Variants in CNTN5 observed in about 807,000 individuals in gnomAD.
CNTN5 encodes the protein contactin 5.
Under a neutral mutation model 129.1 loss-of-function variants are expected in CNTN5, and 77 were observed. The observed-to-expected ratio is 0.60, with a 90% CI of 0.50 to 0.72. The LOEUF is 0.72. CNTN5 is among the 30% of genes least tolerant of loss of function. CNTN5 has a pLI of 0.00. For synonymous variants in CNTN5, 509 were observed against 465.6 expected (o/e 1.09, Z -1.20); for missense variants, 1,478 against 1,328.8 (o/e 1.11, Z -1.75).
At chr11:99,581,940 G>T (rs1351965810) in intron 3 of CNTN5, among the ~76,000 whole-genome samples, 1 of 151,960 alleles carries the variant, frequency 6.6e-6, no homozygotes, top group Non-Finnish European at 1.5e-5. Flanking sequence ...TTACAATTTG[G>T]CATGTTTTTG....
At chr11:99,787,268 GA>G (rs1392924269) in intron 3 of CNTN5, among the ~76,000 whole-genome samples, 1 of 151,436 alleles carries the variant, frequency 6.6e-6, no homozygotes, top group Non-Finnish European at 1.5e-5. Flanking sequence ...AAAGAGGAGA[GA>G]ATGTGTTATA....
chr11:99,328,884 A>AAG (rs1555112869), intron 2 of CNTN5, among the ~76,000 whole-genome samples: 100 of 143,936 alleles, frequency 6.9e-4, no homozygotes, highest in African/African-American at 2.6e-3. Flanking sequence ...AAAAAAAAAA[A>AAG]AAAAGAAAAA....
At chr11:99,615,517 CAGCTT>C (rs1405370151) in intron 3 of CNTN5, among the ~76,000 whole-genome samples, 2 of 152,168 alleles carry the variant, frequency 1.3e-5, no homozygotes, top group Admixed American at 6.5e-5. Flanking sequence ...CTGATGATGA[CAGCTT>C]AGCTACTGAA....
chr11:100,297,530 C>A, intron 18 of CNTN5, 95 bp from the exon 19 acceptor site: 1 of 891,340 alleles, frequency 1.1e-6, no homozygotes. Flanking sequence ...TATGACCATT[C>A]TGACTTCAAA....
intron 1 of CNTN5, among the ~76,000 whole-genome samples, chr11:99,198,917 A>G (rs550358699): frequency 6.6e-6 from 1 of 152,296 alleles, no homozygotes; most frequent in South Asian, 2.1e-4. Context: ...TCTAGCATGT[A>G]TCTTCAATGC....
At chr11:99,438,935 A>G (rs1022117045) in intron 2 of CNTN5, among the ~76,000 whole-genome samples, 4 of 152,242 alleles carry the variant, frequency 2.6e-5, no homozygotes, top group African/African-American at 4.8e-5. Context: ...GTGACGCTAT[A>G]GAACTGGTGA....
intron 18 of CNTN5, among the ~76,000 whole-genome samples, chr11:100,272,787 G>A (rs1950430999): frequency 6.6e-6 from 1 of 152,152 alleles, no homozygotes; most frequent in Non-Finnish European, 1.5e-5. Context: ...GAACTGGCAA[G>A]GAGCAACCCA....
intron 8 of CNTN5, among the ~76,000 whole-genome samples, chr11:99,975,866 T>A (rs192723188): frequency 6.6e-6 from 1 of 152,302 alleles, no homozygotes; most frequent in East Asian, 1.9e-4. Context: ...TCTTGCTTTC[T>A]TAACCCATCA....
At chr11:100,323,133 A>G (rs1040884100) in intron 21 of CNTN5, among the ~76,000 whole-genome samples, 2 of 152,202 alleles carry the variant, frequency 1.3e-5, no homozygotes, top group Non-Finnish European at 2.9e-5. Flanking sequence ...TGCGAACTAA[A>G]AAAGCATACC....
intron 1 of CNTN5, among the ~76,000 whole-genome samples, chr11:99,257,744 C>A (rs932816059): frequency 3.3e-5 from 5 of 151,968 alleles, no homozygotes; most frequent in African/African-American, 9.7e-5. Flanking sequence ...CATACACAAG[C>A]ATCCTGTAAA....
At chr11:99,136,478 C>G (rs964643394) in intron 1 of CNTN5, among the ~76,000 whole-genome samples, 52 of 152,132 alleles carry the variant, frequency 3.4e-4, no homozygotes, top group Non-Finnish European at 6.6e-4. Context: ...TTCAAAACTA[C>G]AAATTTACCT....
At chr11:99,944,248 A>G (rs1238561486) in intron 7 of CNTN5, among the ~76,000 whole-genome samples, 1 of 152,076 alleles carries the variant, frequency 6.6e-6, no homozygotes, top group African/African-American at 2.4e-5. Flanking sequence ...TCAACACCCT[A>G]ACATCACAAT....
intron 18 of CNTN5, 88 bp from the exon 19 acceptor site, chr11:100,297,537 C>A (rs1396172172): frequency 2.0e-6 from 2 of 982,084 alleles, no homozygotes; most frequent in Non-Finnish European, 3.2e-6. Context: ...ATTCTGACTT[C>A]AAACAAACTT....
rs879258556 is a variant in CNTN5 at position 99,998,544 on chromosome 11, T to C, written c.878-3490T>C. Among the ~76,000 whole-genome samples the C allele has an allele frequency of 7.2e-3, 1,023 of 141,382 alleles. 30 individuals carry two copies. Among genetic ancestry groups the C allele is most frequent in the Middle Eastern group, 0.017 (5 of 290 alleles). The allele number at this position is 141,382 out of a possible 152,430, so 92.8% of individuals were successfully genotyped here. A position where few individuals can be genotyped will look rare whatever the true frequency, so the allele number is the denominator to read the frequency against. On this transcript the variant is annotated intron_variant, in intron 8 of 24. Coordinates refer to ENST00000524871, the MANE Select transcript of CNTN5 (RefSeq NM_014361.4). ...TGGAAGAACATTCCTTGCTCATGGGTAGGAAGAATCAATATCGTGAAAATG... is the reference window on the plus strand; with the variant it reads ...TGGAAGAACATTCCTTGCTCATGGGCAGGAAGAATCAATATCGTGAAAATG...
chr11:99,598,316 T>A (rs1184000988), intron 3 of CNTN5, among the ~76,000 whole-genome samples: 1 of 20,278 alleles, frequency 4.9e-5, no homozygotes, highest in African/African-American at 1.0e-4. Flanking sequence ...TTTCTTTTCT[T>A]TTCTTTTCTG....
At chr11:99,229,266 A>G (rs985236775) in intron 1 of CNTN5, among the ~76,000 whole-genome samples, 1 of 152,094 alleles carries the variant, frequency 6.6e-6, no homozygotes, top group African/African-American at 2.4e-5. Flanking sequence ...TAAAAAATAC[A>G]TAGTATTACT....
chr11:100,200,840 A>G lies in CNTN5; in HGVS notation c.1884+7177A>G, dbSNP rs374077366. Among the ~76,000 whole-genome samples the G allele has an allele frequency of 5.9e-5, 9 of 152,134 alleles. No individual in the cohort carries two copies. The East Asian group carries it at 1.6e-3, about 26-fold the overall frequency. On this transcript the variant is annotated intron_variant, in intron 15 of 24. Coordinates refer to ENST00000524871, the MANE Select transcript of CNTN5 (RefSeq NM_014361.4). ...CAAAAGTTAAATATGCTTCTAGCTCAGTAACTCCAGAAACTTAAAAAATGC... is the reference window on the plus strand; with the variant it reads ...CAAAAGTTAAATATGCTTCTAGCTCGGTAACTCCAGAAACTTAAAAAATGC...
chr11:99,106,439 TAC>T (rs1329585890), intron 1 of CNTN5, among the ~76,000 whole-genome samples: 2 of 151,112 alleles, frequency 1.3e-5, no homozygotes, highest in African/African-American at 4.9e-5. Flanking sequence ...TGTTACAGAC[TAC>T]ATTAATTAAT....
At chr11:100,064,443 C>T (rs185849299) in intron 10 of CNTN5, among the ~76,000 whole-genome samples, 23 of 152,072 alleles carry the variant, frequency 1.5e-4, no homozygotes. Context: ...TCAAGAAGTC[C>T]ATGGTAGTTA....
Sources: gnomAD v4.1 joint callset for allele counts (sites outside exome capture counted in the v4.1 genomes callset) on GRCh38, gnomAD v4.1.1 for gene constraint, MANE v1.5 for transcripts, NCBI Gene and HGNC (gene_info 2026-07-23, HGNC 2026-07-21) for gene names.